CHRNB4: variants seen among roughly 807,000 people sequenced by gnomAD.
CHRNB4 encodes the protein neuronal acetylcholine receptor subunit beta-4.
Under a neutral mutation model 40.4 loss-of-function variants are expected in CHRNB4, and 23 were observed. The ratio of observed to expected loss-of-function variants is 0.57; its 90% CI spans 0.41 to 0.81. The LOEUF (loss-of-function observed/expected upper bound fraction) is 0.81, where lower values mean the gene tolerates loss of function less well. CHRNB4 is among the 30% of genes least tolerant of loss of function. CHRNB4 has a pLI of 0.00. For missense variants in CHRNB4, 568 were observed against 670.6 expected, an observed-to-expected ratio of 0.85 and a Z score of 1.69; for synonymous variants, 285 against 274.4, an observed-to-expected ratio of 1.04 and a Z score of -0.38.
intron 3 of CHRNB4, chr15:78,657,219 T>G (rs2054221907): frequency 6.6e-6 from 1 of 152,082 alleles, no homozygotes; most frequent in Non-Finnish European, 1.5e-5. Flanking sequence ...GAGACCATGT[T>G]GGCCAGGCTG....
intron 2 of CHRNB4, among the ~76,000 whole-genome samples, chr15:78,634,411 C>T (rs1188421823): frequency 2.0e-5 from 3 of 152,234 alleles, no homozygotes; most frequent in African/African-American, 4.8e-5. Context: ...GGCTGAAAGC[C>T]CTCCTTCCTT....
upstream of CHRNB4, among the ~76,000 whole-genome samples, chr15:78,646,174 A>G (rs1166349852): frequency 3.3e-5 from 5 of 152,210 alleles, no homozygotes; most frequent in African/African-American, 1.2e-4. Flanking sequence ...GGGGATGTAC[A>G]AATTGACCAC....
intron 1 of CHRNB4, among the ~76,000 whole-genome samples, chr15:78,636,642 T>C (rs2053957589): frequency 6.6e-6 from 1 of 151,512 alleles, no homozygotes; most frequent in Non-Finnish European, 1.5e-5. Flanking sequence ...AGGGTCTTGC[T>C]ATGTTGCCCA....
intron 1 of CHRNB4, among the ~76,000 whole-genome samples, chr15:78,638,482 T>C (rs779864381): frequency 6.6e-6 from 1 of 152,262 alleles, no homozygotes; most frequent in Non-Finnish European, 1.5e-5. Context: ...GACAGAGGTC[T>C]TCCCTGACCC....
At chr15:78,648,679 G>T (rs889271288) in intron 7 of CHRNB4, among the ~76,000 whole-genome samples, 2 of 150,746 alleles carry the variant, frequency 1.3e-5, no homozygotes, top group African/African-American at 4.9e-5. Context: ...CTTGAACCCG[G>T]GAGGCGGAAG....
In CHRNB4 at chr15:78,629,889, C is replaced by T; in HGVS notation, c.416G>A (p.Gly139Asp). The change falls in exon 5 of 6, where the codon GGC becomes GAC. Residue 139 changes from glycine (G) to aspartate (D), a missense_variant. Transcript: ENST00000261751. This position sits in a 1 kb window ranked among gnomAD's most constrained non-coding sequence, Gnocchi z 6.8. The part of the protein sequence containing the change: ...VYTNLIVRSN[G>D]SVLWLPPAIY... ...GGCAGGGGGCAGCCACAGGACGCTG[C>T]CGTTGGACCGGACTATCAAGTTGGT... The T allele has an allele frequency of 6.2e-7, 1 of 1,611,696 alleles. No homozygotes were observed. The highest frequency in any genetic ancestry group is 8.5e-7 in the Non-Finnish European group (1 of 1,179,578).
chr15:78,653,135 G>C (rs983841693), intron 5 of CHRNB4, among the ~76,000 whole-genome samples: 1 of 152,160 alleles, frequency 6.6e-6, no homozygotes, highest in Non-Finnish European at 1.5e-5. Context: ...CTTTATAACA[G>C]ATGGGAATTC....
upstream of CHRNB4, among the ~76,000 whole-genome samples, chr15:78,643,230 C>G (rs2054096806): frequency 6.6e-6 from 1 of 151,752 alleles, no homozygotes; most frequent in South Asian, 2.1e-4. Flanking sequence ...GCAGAGTCAA[C>G]ATCAGATAAT....
At chr15:78,631,389 T>C (rs2053808347) in intron 2 of CHRNB4, 57 bp from the exon 3 acceptor site, 9 of 1,558,072 alleles carry the variant, frequency 5.8e-6, no homozygotes, top group Non-Finnish European at 7.9e-6. Context: ...CACAAATGGA[T>C]TGCACTTTAT....
upstream of CHRNB4, among the ~76,000 whole-genome samples, chr15:78,643,134 T>C (rs11633223): frequency 0.31 from 45,077 of 143,750 alleles, 7,523 homozygotes; most frequent in Non-Finnish European, 0.4. Context: ...TCCAAAATTT[T>C]AAATAATACC....
upstream of CHRNB4, chr15:78,641,386 TCG>T (rs2054072985): frequency 2.2e-6 from 1 of 449,338 alleles, no homozygotes; most frequent in African/African-American, 2.1e-5. Flanking sequence ...TCTTCGGGCC[TCG>T]CAACCTTCCC....
chr15:78,654,329 T>C (rs1647151539), intron 5 of CHRNB4, among the ~76,000 whole-genome samples: 1 of 152,198 alleles, frequency 6.6e-6, no homozygotes, highest in African/African-American at 2.4e-5. Flanking sequence ...GTTTCCTTTG[T>C]TGGAAGTATT....
intron 4 of CHRNB4, among the ~76,000 whole-genome samples, 183 bp from the exon 5 acceptor site, chr15:78,630,128 C>G (rs1055988796): frequency 2.7e-5 from 4 of 145,478 alleles, no homozygotes; most frequent in African/African-American, 5.3e-5. Context: ...AGAGCCCTAA[C>G]ATCAAAGCAC....
chr15:78,644,991 C>T (rs1014066982), upstream of CHRNB4, among the ~76,000 whole-genome samples: 1 of 152,176 alleles, frequency 6.6e-6, no homozygotes, highest in Non-Finnish European at 1.5e-5. Context: ...TGAGGCCTTG[C>T]TGATCCTGGA....
intron 6 of CHRNB4, among the ~76,000 whole-genome samples, chr15:78,650,718 T>C (rs1596123870): frequency 6.6e-6 from 1 of 152,194 alleles, no homozygotes; most frequent in Non-Finnish European, 1.5e-5. Flanking sequence ...ATTCTGCCGG[T>C]GTACAGCAAG....
intron 5 of CHRNB4, among the ~76,000 whole-genome samples, chr15:78,628,436 C>T (rs2053710360): frequency 6.6e-6 from 1 of 152,216 alleles, no homozygotes. Context: ...CTTTCTCCAG[C>T]ACCAAGGGTG....
At chr15:78,632,192 T>TCTTG (rs2053834104) in intron 2 of CHRNB4, among the ~76,000 whole-genome samples, 3 of 80,958 alleles carry the variant, frequency 3.7e-5, no homozygotes, top group African/African-American at 2.5e-4. Context: ...TTTCTTTCTT[T>TCTTG]CTTTCTTTCT....
chr15:78,632,249 CTCTCTCTTTCTT>C (rs1204204068), intron 2 of CHRNB4, among the ~76,000 whole-genome samples: 4 of 87,038 alleles, frequency 4.6e-5, no homozygotes, highest in African/African-American at 3.2e-4. Flanking sequence ...CTCTCTCTCT[CTCTCTCTTTCTT>C]TCTTTCTTTC....
At chr15:78,643,106 A>C (rs1043141321), upstream of CHRNB4, among the ~76,000 whole-genome samples, 5 of 152,190 alleles carry the variant, frequency 3.3e-5, no homozygotes, top group Non-Finnish European at 5.9e-5. Flanking sequence ...TTAGCTATTA[A>C]CTTTTATGAA....
Sources: allele counts gnomAD v4.1 joint callset (sites outside exome capture counted in the v4.1 genomes callset), GRCh38; gene constraint gnomAD v4.1.1; non-coding constraint Gnocchi (gnomAD v3.1); transcripts MANE v1.5; gene names NCBI Gene and HGNC (gene_info 2026-07-23, HGNC 2026-07-21).